NAV3: variants seen among roughly 807,000 people sequenced by gnomAD.
NAV3 encodes neuron navigator 3, also known as pore membrane and/or filament interacting like protein 1.
In NAV3, 87 loss-of-function variants were observed where a neutral mutation model predicts 244.7. The observed-to-expected ratio is 0.36, with a 90% CI of 0.30 to 0.42. The LOEUF is 0.42. Among genes scored for constraint, NAV3 ranks in the 20% least tolerant of loss-of-function variants. NAV3 has a pLI of 1.00. For missense variants in NAV3, 2,663 were observed against 2,893.3 expected (o/e 0.92, Z 1.83); for synonymous variants, 1,126 against 1,042.2 (o/e 1.08, Z -1.55).
chr12:77,588,620 C>T (rs11105805), intron 2 of NAV3, among the ~76,000 whole-genome samples: 27,822 of 152,004 alleles, frequency 0.18, 2,868 homozygotes, highest in Admixed American at 0.25. Context: ...AGCATCCCTG[C>T]GTCCCCAGTA....
chr12:77,983,946 A>T (rs916065297), intron 5 of NAV3, among the ~76,000 whole-genome samples: 4 of 152,320 alleles, frequency 2.6e-5, no homozygotes, highest in African/African-American at 9.6e-5. Flanking sequence ...TATTGAACAT[A>T]TATTCATCTA....
intron 2 of NAV3, among the ~76,000 whole-genome samples, chr12:77,731,136 G>A (rs1262063209): frequency 6.6e-6 from 1 of 152,004 alleles, no homozygotes; most frequent in Non-Finnish European, 1.5e-5. Context: ...TCAGAAATTG[G>A]AGGATTCAGT....
chr12:77,886,548 G>T (rs909251816), intron 1 of NAV3, among the ~76,000 whole-genome samples: 3 of 152,028 alleles, frequency 2.0e-5, no homozygotes, highest in Non-Finnish European at 4.4e-5. Context: ...TAAGCATTTT[G>T]TTGTTTCCAC....
At chr12:78,132,285 T>A (rs1188679555) in intron 18 of NAV3, among the ~76,000 whole-genome samples, 1 of 152,176 alleles carries the variant, frequency 6.6e-6, no homozygotes, top group Non-Finnish European at 1.5e-5. Context: ...AATGTTCTAA[T>A]GAATTAGAAA....
chr12:78,110,260 C>G (rs1394857623), intron 12 of NAV3, among the ~76,000 whole-genome samples: 1 of 151,938 alleles, frequency 6.6e-6, no homozygotes, highest in African/African-American at 2.4e-5. Flanking sequence ...CACAAAACTA[C>G]AAAACACTGA....
At chr12:78,191,494 G>A (rs1958979111) in intron 34 of NAV3, among the ~76,000 whole-genome samples, 1 of 152,092 alleles carries the variant, frequency 6.6e-6, no homozygotes. Flanking sequence ...CGTTTTATAT[G>A]TGTCCTTCAA....
chr12:78,069,799 A>T (rs924239414), intron 12 of NAV3, among the ~76,000 whole-genome samples: 2 of 152,046 alleles, frequency 1.3e-5, no homozygotes, highest in South Asian at 4.1e-4. Context: ...TGTGTATGTT[A>T]GTGTGGGTAT....
intron 3 of NAV3, among the ~76,000 whole-genome samples, chr12:77,949,029 A>T (rs1490037894): frequency 2.0e-5 from 3 of 152,024 alleles, no homozygotes; most frequent in Admixed American, 2.0e-4. Context: ...AATTATTTTA[A>T]TATGAATTCA....
At chr12:78,087,527 T>A (rs1031420056) in intron 12 of NAV3, among the ~76,000 whole-genome samples, 6 of 151,816 alleles carry the variant, frequency 4.0e-5, no homozygotes, top group African/African-American at 1.5e-4. Flanking sequence ...GTAACCTGAG[T>A]GGGATTTAAT....
In NAV3 at chr12:77,809,740, GTTGT is replaced by G. The variant is rs772156751; in HGVS notation, c.73-130576_73-130573del. Among the ~76,000 whole-genome samples the G allele has an allele frequency of 4.6e-5, 7 of 152,284 alleles. No homozygotes were observed. The East Asian group carries it at 1.2e-3, about 25-fold the overall frequency. ...CAAAATAAAACATACGTCATTGTAT[GTTGT>G]TTATTTCTTATATTTGAATTCTGCC... is the stretch of plus-strand genomic sequence containing the variant. On this transcript the variant is annotated intron_variant, in intron 2 of 8. Coordinates refer to the NAV3 transcript ENST00000550042.
At chr12:77,819,936 T>C (rs547196230) in intron 2 of NAV3, among the ~76,000 whole-genome samples, 6 of 152,210 alleles carry the variant, frequency 3.9e-5, no homozygotes, top group East Asian at 3.9e-4. Flanking sequence ...TCAGAAATCA[T>C]TGTGAAATTT....
chr12:77,608,270 C>T (rs1412836041), intron 2 of NAV3, among the ~76,000 whole-genome samples: 1 of 151,956 alleles, frequency 6.6e-6, no homozygotes, highest in African/African-American at 2.4e-5. Flanking sequence ...TAAACAGATC[C>T]AGGAAAATGA....
intron 18 of NAV3, among the ~76,000 whole-genome samples, chr12:78,134,283 A>C (rs996337536): frequency 9.2e-5 from 14 of 152,138 alleles, no homozygotes; most frequent in Admixed American, 1.3e-4. Context: ...GTCAGAAGAG[A>C]CCACATCTGG....
intron 12 of NAV3, among the ~76,000 whole-genome samples, chr12:78,078,103 T>C (rs1953146548): frequency 6.6e-6 from 1 of 152,168 alleles, no homozygotes; most frequent in African/African-American, 2.4e-5. Flanking sequence ...CCTGTGTGTG[T>C]CTGTGTCCAA....
intron 2 of NAV3, among the ~76,000 whole-genome samples, chr12:77,667,175 A>T (rs1369546505): frequency 6.6e-6 from 1 of 152,228 alleles, no homozygotes; most frequent in Non-Finnish European, 1.5e-5. Flanking sequence ...GCTCAGACAG[A>T]CAGAGTAGCA....
chr12:78,142,690 T>G (rs1956673223), intron 20 of NAV3, among the ~76,000 whole-genome samples: 1 of 87,364 alleles, frequency 1.1e-5, no homozygotes, highest in Non-Finnish European at 2.3e-5. Context: ...TGTGTATATA[T>G]ATACATATGT....
At chr12:77,633,645 T>C (rs2136926421) in intron 2 of NAV3, among the ~76,000 whole-genome samples, 1 of 152,302 alleles carries the variant, frequency 6.6e-6, no homozygotes, top group Non-Finnish European at 1.5e-5. Context: ...AATACTATTT[T>C]ATGTTAGCAG....
intron 2 of NAV3, among the ~76,000 whole-genome samples, chr12:77,762,715 A>G (rs529002986): frequency 1.5e-4 from 19 of 125,892 alleles, no homozygotes; most frequent in Admixed American, 7.1e-4. Flanking sequence ...CCCAGGCTTC[A>G]TGGGTTTTTT....
chr12:78,079,429 C>T (rs960870113), intron 12 of NAV3, among the ~76,000 whole-genome samples: 13 of 152,122 alleles, frequency 8.5e-5, no homozygotes, highest in African/African-American at 2.7e-4. Flanking sequence ...ATTTTCATGA[C>T]TGATAACATT....
Sources: allele counts gnomAD v4.1 joint callset (sites outside exome capture counted in the v4.1 genomes callset), GRCh38; gene constraint gnomAD v4.1.1; transcripts MANE v1.5; gene names NCBI Gene and HGNC (gene_info 2026-07-23, HGNC 2026-07-21).